Variants in IL17D observed in about 807,000 individuals in gnomAD.
IL17D encodes the protein interleukin-17D.
Under a neutral mutation model 5.7 loss-of-function variants are expected in IL17D, and 10 were observed. The ratio of observed to expected loss-of-function variants is 1.75; its 90% CI spans 1.08 to 2.97. The LOEUF is 2.97. Ranked by LOEUF, IL17D falls within the 30% of genes most tolerant of loss-of-function variation. The probability of loss-of-function intolerance (pLI) is 0.00; values close to 1 mark genes in which losing one functional copy is unlikely to be tolerated. For missense variants in IL17D, 354 were observed against 292.7 expected (o/e 1.21, Z -1.53); for synonymous variants, 172 against 141.7 (o/e 1.21, Z -1.52).
chr13:20,707,687 G>A (rs1015533862), intron 1 of IL17D, among the ~76,000 whole-genome samples: 6 of 152,086 alleles, frequency 3.9e-5, no homozygotes, highest in African/African-American at 1.4e-4. Context: ...CATGCAGCTA[G>A]TTTTTTTGTT....
intron 1 of IL17D, among the ~76,000 whole-genome samples, chr13:20,717,844 C>G (rs2058689643): frequency 6.6e-6 from 1 of 152,154 alleles, no homozygotes; most frequent in Admixed American, 6.5e-5. Flanking sequence ...CAGGGCTGCG[C>G]TGTATATTTT....
chr13:20,712,995 C>G (rs1162834371), intron 1 of IL17D: 1 of 150,880 alleles, frequency 6.6e-6, no homozygotes, highest in Non-Finnish European at 1.5e-5. Context: ...CTTCCTTCCT[C>G]CCTCCCTCCC....
In IL17D at chr13:20,722,870, A is replaced by C. The variant is rs2058748448; in HGVS notation, c.*916A>C. On this transcript the variant is annotated 3_prime_UTR_variant, in exon 2 of 2. Transcript: ENST00000682841. Reference sequence around the variant, plus strand: ...TCTTTGCCAGTTGTCAGAAGAATCCAAGCAGGTATTGGCTTAGTTGTAAGG... The same window carrying C: ...TCTTTGCCAGTTGTCAGAAGAATCCCAGCAGGTATTGGCTTAGTTGTAAGG... 6.6e-6 allele frequency: 1 copy of C among 152,222 alleles called. No homozygotes were observed. The highest frequency in any genetic ancestry group is 2.1e-4 in the South Asian group (1 of 4,832). 9.4% of individuals were successfully genotyped at this position (152,222 alleles called of 1,614,324 possible). A position where few individuals can be genotyped will look rare whatever the true frequency, so the allele number is the denominator to read the frequency against.
At chr13:20,711,469 A>G (rs2058636884) in intron 1 of IL17D, among the ~76,000 whole-genome samples, 1 of 152,158 alleles carries the variant, frequency 6.6e-6, no homozygotes, top group Admixed American at 6.5e-5. Context: ...CACCTCTTCA[A>G]GGCCCCGCCT....
chr13:20,711,746 AT>A (rs1378151220), intron 1 of IL17D, among the ~76,000 whole-genome samples: 7 of 152,210 alleles, frequency 4.6e-5, no homozygotes, highest in African/African-American at 1.7e-4. Context: ...AGCAGATGAC[AT>A]TGGGGAAGAG....
intron 1 of IL17D, 69 bp downstream of exon 1, chr13:20,704,360 T>A: frequency 3.0e-6 from 1 of 332,610 alleles, no homozygotes; most frequent in Non-Finnish European, 3.8e-6. Context: ...GGAGAGTGGG[T>A]GGGGCCGGGC....
chr13:20,714,319 C>G (rs370154829), intron 1 of IL17D, among the ~76,000 whole-genome samples: 5 of 152,346 alleles, frequency 3.3e-5, no homozygotes, highest in African/African-American at 1.2e-4. Context: ...GTTGTAGCCT[C>G]ACTGTTTACC....
At chr13:20,707,228 C>T (rs1162766403) in intron 1 of IL17D, among the ~76,000 whole-genome samples, 1 of 152,020 alleles carries the variant, frequency 6.6e-6, no homozygotes. Flanking sequence ...ACTCAGGAGG[C>T]GGAGGTGGGA....
At chr13:20,715,065 C>T (rs2058668697) in intron 1 of IL17D, among the ~76,000 whole-genome samples, 2 of 152,248 alleles carry the variant, frequency 1.3e-5, no homozygotes, top group South Asian at 4.1e-4. Flanking sequence ...CATTCCCCCT[C>T]CCAGCTGCTG....
At chr13:20,721,178 C>A (rs1487076457) in intron 1 of IL17D, among the ~76,000 whole-genome samples, 1 of 152,134 alleles carries the variant, frequency 6.6e-6, no homozygotes, top group African/African-American at 2.4e-5. Context: ...CCGCCCCCAG[C>A]CCCTCTTTCT....
Position 20,703,855 on chromosome 13 carries a change from C to A in IL17D, c.-147C>A. 1 of 216,874 alleles carries A rather than the reference C, an allele frequency of 4.6e-6. No homozygotes were observed. Among genetic ancestry groups the A allele is most frequent in the African/African-American group, 2.4e-5 (1 of 41,828 alleles). 13.4% of individuals were successfully genotyped at this position (216,874 alleles called of 1,614,324 possible). ...CGCTCTGGGGCCCGCCCGCGCGGCT[C>A]CCATCCTCCGGGCCGGCCTCTGGCT... On this transcript the variant is annotated 5_prime_UTR_variant, in exon 1 of 2. Transcript: ENST00000682841.
chr13:20,703,891 A>T lies in IL17D; in HGVS notation c.-111A>T. 1 of 424,654 alleles carries T rather than the reference A, an allele frequency of 2.4e-6. No homozygotes were observed. Among genetic ancestry groups the T allele is most frequent in the Non-Finnish European group, 3.1e-6 (1 of 321,798 alleles). The allele number at this position is 424,654 out of a possible 1,614,324, so 26.3% of individuals were successfully genotyped here. A position where few individuals can be genotyped will look rare whatever the true frequency, so the allele number is the denominator to read the frequency against. On this transcript the variant is annotated 5_prime_UTR_variant, in exon 1 of 2. Transcript: ENST00000682841. ...GGCCGGCCTCTGGCTCCGCGGGGCG[A>T]GGGGAGGCGCCCGCCGGCTCCGGGC...
upstream of IL17D, chr13:20,701,649 CTTTTGA>C (rs2058548943): frequency 6.6e-6 from 1 of 152,108 alleles, no homozygotes; most frequent in Non-Finnish European, 1.5e-5. Flanking sequence ...GATGAGCCTG[CTTTTGA>C]GTATGTTGTT....
chr13:20,722,054 C>T lies in IL17D; in HGVS notation c.*100C>T. The T allele has an allele frequency of 1.0e-6, 1 of 999,404 alleles. No homozygotes were observed. The highest frequency in any genetic ancestry group is 1.4e-6 in the Non-Finnish European group (1 of 708,520). The allele number at this position is 999,404 out of a possible 1,614,324, so 61.9% of individuals were successfully genotyped here. On this transcript the variant is annotated 3_prime_UTR_variant, in exon 2 of 2. Transcript: ENST00000682841. The stretch of plus-strand genomic sequence containing the variant: ...GTCGGCGACCTCTGAAGAGAGTGCA[C>T]CGAGCAAACCAAGTGCCGGAGCACC...
At chr13:20,717,867 ACT>A (rs1454575729) in intron 1 of IL17D, among the ~76,000 whole-genome samples, 12 of 152,020 alleles carry the variant, frequency 7.9e-5, no homozygotes, top group Non-Finnish European at 4.4e-5. Flanking sequence ...GGCGGATGAA[ACT>A]CTGACCCTCA....
At chr13:20,718,821 C>A (rs1433119954) in intron 1 of IL17D, among the ~76,000 whole-genome samples, 3 of 147,868 alleles carry the variant, frequency 2.0e-5, no homozygotes, top group South Asian at 4.4e-4. Flanking sequence ...TGCCCACACA[C>A]ACCTGCCCAC....
chr13:20,712,028 G>A (rs1481507111), intron 1 of IL17D, among the ~76,000 whole-genome samples: 1 of 152,176 alleles, frequency 6.6e-6, no homozygotes, highest in Non-Finnish European at 1.5e-5. Flanking sequence ...CATGTGGGCT[G>A]TCCATTAATT....
Position 20,704,036 on chromosome 13 carries a change from C to T in IL17D, c.35C>T (p.Pro12Leu). 1 of 1,040,234 alleles carries T rather than the reference C, an allele frequency of 9.6e-7. No homozygotes were observed. The highest frequency in any genetic ancestry group is 9.0e-5 in the East Asian group (1 of 11,124). The allele number at this position is 1,040,234 out of a possible 1,614,324, so 64.4% of individuals were successfully genotyped here. A position where few individuals can be genotyped will look rare whatever the true frequency, so the allele number is the denominator to read the frequency against. ...LVAGFLLALP[P>L]SWAAGAPRAG... ...GCCGGCTTCCTGCTGGCGCTGCCGC[C>T]GAGCTGGGCCGCGGGCGCCCCGAGG... Residue 12 changes from proline to leucine, a missense_variant, in exon 1 of 2, where the codon CCG becomes CTG. Coordinates refer to ENST00000682841, the MANE Select transcript of IL17D (RefSeq NM_001385224.1).
upstream of IL17D, chr13:20,703,110 G>T (rs1322079657): frequency 2.7e-5 from 5 of 187,388 alleles, no homozygotes; most frequent in African/African-American, 1.2e-4. Context: ...CCGCACCCGC[G>T]CCCGGCAGGG....
Sources: allele counts gnomAD v4.1 joint callset (sites outside exome capture counted in the v4.1 genomes callset), GRCh38; gene constraint gnomAD v4.1.1; transcripts MANE v1.5; gene names NCBI Gene and HGNC (gene_info 2026-07-23, HGNC 2026-07-21).